The following ANKRD28 variants were observed in gnomAD, a reference collection of about 807,000 sequenced individuals.
ANKRD28 encodes the protein serine/threonine-protein phosphatase 6 regulatory ankyrin repeat subunit A.
A neutral mutation model predicts 126.5 loss-of-function variants in ANKRD28; 44 were observed. The observed-to-expected ratio is 0.35, with a 90% CI of 0.27 to 0.45. The LOEUF (loss-of-function observed/expected upper bound fraction) is 0.45. ANKRD28 is among the 20% of genes least tolerant of loss of function. The pLI, the probability that ANKRD28 is intolerant of heterozygous loss-of-function variation, is 1.00. For missense variants in ANKRD28, 1,110 were observed against 1,316.6 expected, an observed-to-expected ratio of 0.84 and a Z score of 2.43; for synonymous variants, 442 against 468.5, an observed-to-expected ratio of 0.94 and a Z score of 0.73.
At chr3:15,800,284 T>C (rs1477066504), upstream of ANKRD28, among the ~76,000 whole-genome samples, 1 of 152,090 alleles carries the variant, frequency 6.6e-6, no homozygotes, top group East Asian at 1.9e-4. Context: ...TATTTTGTGG[T>C]CAAATTGCCT....
In ANKRD28 at chr3:15,685,208, T is replaced by C; in HGVS notation, c.2389+18A>G. ...TGTTCACTACACAATGATATGCATT[T>C]GTGTTTGTATACTTAACCATTGTAG... On this transcript the variant is annotated intron_variant, in intron 21 of 27. Transcript: ENST00000683139. 6.2e-7 allele frequency: 1 copy of C among 1,610,066 alleles called. No homozygotes were observed. The highest frequency in any genetic ancestry group is 8.5e-7 in the Non-Finnish European group (1 of 1,176,490).
intron 3 of ANKRD28, among the ~76,000 whole-genome samples, chr3:15,757,908 T>C (rs59411381): frequency 0.14 from 20,865 of 152,158 alleles, 2,154 homozygotes; most frequent in East Asian, 0.58. Context: ...GCCACATCTA[T>C]TCAATTTAAA....
intron 27 of ANKRD28, among the ~76,000 whole-genome samples, chr3:15,674,155 G>C (rs187204228): frequency 1.6e-4 from 18 of 109,210 alleles, no homozygotes; most frequent in Non-Finnish European, 1.7e-4. Context: ...CTGGGCAACA[G>C]AGTGAGACCC....
chr3:15,719,277 T>C (rs2073432650), intron 8 of ANKRD28, among the ~76,000 whole-genome samples: 1 of 152,188 alleles, frequency 6.6e-6, no homozygotes, highest in Admixed American at 6.5e-5. Flanking sequence ...AAGGCTTCAC[T>C]GAAGTTAGGT....
intron 6 of ANKRD28, among the ~76,000 whole-genome samples, chr3:15,730,362 G>A (rs946802474): frequency 6.6e-6 from 1 of 152,176 alleles, no homozygotes; most frequent in African/African-American, 2.4e-5. Flanking sequence ...ATGAGGTGGG[G>A]CGCTAGGGAA....
chr3:15,844,357 AT>A (rs2061486376), intron 1 of ANKRD28, among the ~76,000 whole-genome samples: 1 of 152,156 alleles, frequency 6.6e-6, no homozygotes, highest in Non-Finnish European at 1.5e-5. Flanking sequence ...AACCAAACAG[AT>A]TAGATGAAGT....
Position 15,685,432 on chromosome 3 carries a change from T to A in ANKRD28, c.2183A>T (p.His728Leu), listed in dbSNP as rs774230769. The change falls in exon 21 of 28, where the codon CAT (histidine) becomes CTT (leucine). Residue 728 changes from histidine to leucine, a missense_variant. Coordinates refer to ENST00000683139, the MANE Select transcript of ANKRD28 (RefSeq NM_001349278.2). ...AAGTAATGCATCTACACATTCTTCA[T>A]GGCCTGTAACTGCCTGAAAGAAAAT... ...TALHRGAVTG[H>L]EECVDALLQH... is the part of the protein sequence containing the mutation. The A allele has an allele frequency of 6.2e-7, 1 of 1,614,010 alleles. No individual in the cohort carries two copies. Among genetic ancestry groups the A allele is most frequent in the Admixed American group, 1.7e-5 (1 of 60,022 alleles).
At chr3:15,720,509 T>C (rs1395245339) in intron 8 of ANKRD28, among the ~76,000 whole-genome samples, 1 of 152,190 alleles carries the variant, frequency 6.6e-6, no homozygotes, top group Non-Finnish European at 1.5e-5. Context: ...TAAGAGAAAA[T>C]TTATATGCTA....
chr3:15,688,479 G>A lies in ANKRD28; in HGVS notation c.1963+1540C>T, dbSNP rs576625712. ...TCAGAATAAGGTAACAGCAAGTAATGCATTTTAACCTCTTGTTCAAACCAT... is the reference window on the plus strand; with the variant it reads ...TCAGAATAAGGTAACAGCAAGTAATACATTTTAACCTCTTGTTCAAACCAT... On this transcript the variant is annotated intron_variant, in intron 18 of 27. Coordinates refer to ENST00000683139, the MANE Select transcript of ANKRD28 (RefSeq NM_001349278.2). 3.9e-5 allele frequency among the ~76,000 whole-genome samples: 6 copies of A among 152,280 alleles called. 1 individual carries two copies. In the Middle Eastern group the frequency reaches 0.014, roughly 345 times the overall value.
At chr3:15,726,438 G>A (rs549624891) in intron 6 of ANKRD28, among the ~76,000 whole-genome samples, 16 of 152,292 alleles carry the variant, frequency 1.1e-4, no homozygotes, top group Admixed American at 9.8e-4. Context: ...CTGGATAGAC[G>A]ACCAAAACAG....
At position 15,797,254 on chromosome 3, in the gene ANKRD28, G is replaced by A. The variant is rs7625615; in HGVS notation, c.-733C>T. 14,904 of 983,476 alleles carry A rather than the reference G, an allele frequency of 0.015. 960 individuals are homozygous for A. In the African/African-American group the frequency reaches 0.18, roughly 12 times the overall value. The allele number at this position is 983,476 out of a possible 1,614,324, so 60.9% of individuals were successfully genotyped here. ...TGCATTAATAGCAAAGCTGCAGTAC[G>A]TTTACATGTGATGAGTCAGACCACA... On this transcript the variant is annotated 5_prime_UTR_variant, in exon 1 of 28. In the 5' UTR this introduces an upstream ATG that the reference lacks. Transcript: ENST00000683139.
At chr3:15,831,920 T>C (rs2061201759) in intron 1 of ANKRD28, among the ~76,000 whole-genome samples, 1 of 152,194 alleles carries the variant, frequency 6.6e-6, no homozygotes, top group Admixed American at 6.5e-5. Context: ...GATAGACTAG[T>C]TTTCTTCAAC....
At chr3:15,695,674 C>G (rs2069435525) in intron 15 of ANKRD28, among the ~76,000 whole-genome samples, 1 of 151,992 alleles carries the variant, frequency 6.6e-6, no homozygotes, top group South Asian at 2.1e-4. Flanking sequence ...GTATTCTATT[C>G]CAGAATCAGA....
intron 7 of ANKRD28, among the ~76,000 whole-genome samples, chr3:15,722,592 T>TA (rs2073845590): frequency 6.6e-6 from 1 of 152,184 alleles, no homozygotes; most frequent in African/African-American, 2.4e-5. Flanking sequence ...TCTAAACTTA[T>TA]AGTTGGTCAT....
At chr3:15,810,052 A>ACC (rs1489172658) in intron 1 of ANKRD28, among the ~76,000 whole-genome samples, 5 of 152,226 alleles carry the variant, frequency 3.3e-5, no homozygotes, top group Non-Finnish European at 7.3e-5. Flanking sequence ...AGGGTGTTGA[A>ACC]TGACACCGAG....
intron 1 of ANKRD28, among the ~76,000 whole-genome samples, chr3:15,850,263 A>AGAGAGAGAGAGAGAGAGAGAGAG (rs1282754856): frequency 4.3e-5 from 6 of 139,718 alleles, no homozygotes; most frequent in East Asian, 2.0e-4. Context: ...AGAGAGAGAG[A>AGAGAGAGAGAGAGAGAGAGAGAG]AAGTTGAAAT....
intron 8 of ANKRD28, among the ~76,000 whole-genome samples, chr3:15,720,433 C>T (rs769285607): frequency 2.6e-5 from 4 of 152,172 alleles, no homozygotes; most frequent in Non-Finnish European, 5.9e-5. Flanking sequence ...TAGATACAGA[C>T]ATCATACATG....
rs556967969 is a variant in ANKRD28, at chr3:15,843,424, G to A, written c.27+15953C>T. 2.0e-5 allele frequency among the ~76,000 whole-genome samples: 3 copies of A among 152,190 alleles called. No individual in the cohort carries two copies. The highest frequency in any genetic ancestry group is 2.9e-5 in the Non-Finnish European group (2 of 68,012). ...TATCACCTGGTTTTGCCCCATCTGAGCATCAGAATCTTAATAGCGTCCATC... is the reference window on the plus strand; with the variant it reads ...TATCACCTGGTTTTGCCCCATCTGAACATCAGAATCTTAATAGCGTCCATC... On this transcript the variant is annotated intron_variant, in intron 1 of 27. Transcript: ENST00000399451. The surrounding 1 kb of genome is among the most constrained non-coding windows in gnomAD (Gnocchi z 5.2).
chr3:15,749,391 C>A (rs1271989434), intron 4 of ANKRD28, among the ~76,000 whole-genome samples: 2 of 152,090 alleles, frequency 1.3e-5, no homozygotes, highest in African/African-American at 2.4e-5. Context: ...GGATTACAGG[C>A]GTGAGCCACC....
Sources: allele counts gnomAD v4.1 joint callset (sites outside exome capture counted in the v4.1 genomes callset), GRCh38; gene constraint gnomAD v4.1.1; non-coding constraint Gnocchi (gnomAD v3.1); transcripts MANE v1.5; gene names NCBI Gene and HGNC (gene_info 2026-07-23, HGNC 2026-07-21).